Variants in PLCB1 observed in about 807,000 individuals in gnomAD.
PLCB1 encodes the protein phospholipase C beta 1.
Under a neutral mutation model 161.8 loss-of-function variants are expected in PLCB1, and 46 were observed. That is an observed-to-expected ratio of 0.28 (90% CI 0.22 to 0.36). PLCB1 has a LOEUF of 0.36. Ranked by LOEUF, PLCB1 falls within the 10% of genes least tolerant of loss-of-function variation. The pLI, the probability that PLCB1 is intolerant of heterozygous loss-of-function variation, is 1.00. For missense variants in PLCB1, 1,016 were observed against 1,472.5 expected (o/e 0.69, Z 5.07); for synonymous variants, 517 against 503.7 (o/e 1.03, Z -0.35).
intron 31 of PLCB1, among the ~76,000 whole-genome samples, chr20:8,790,579 C>T (rs1983706931): frequency 6.6e-6 from 1 of 152,182 alleles, no homozygotes; most frequent in Admixed American, 6.5e-5. Flanking sequence ...CTAACCAAAC[C>T]TTCAGTTTGG....
intron 31 of PLCB1, chr20:8,881,094 G>C (rs1023358540): frequency 5.9e-6 from 1 of 170,054 alleles, no homozygotes; most frequent in African/African-American, 2.4e-5. Context: ...TTAAACTCCT[G>C]ACCTCAAGCA....
At chr20:8,375,917 T>C (rs1987060083) in intron 3 of PLCB1, among the ~76,000 whole-genome samples, 1 of 126,482 alleles carries the variant, frequency 7.9e-6, no homozygotes. Context: ...ACTTCTTACC[T>C]CCTTCATCAT....
intron 4 of PLCB1, among the ~76,000 whole-genome samples, chr20:8,632,968 G>A (rs961444595): frequency 3.3e-5 from 5 of 152,202 alleles, no homozygotes; most frequent in East Asian, 1.9e-4. Flanking sequence ...ATAATGGACC[G>A]CATGGGGGAG....
At chr20:8,704,984 C>CTTTTTTTTTTTTTTTTT (rs368791318) in intron 11 of PLCB1, among the ~76,000 whole-genome samples, 4 of 118,800 alleles carry the variant, frequency 3.4e-5, no homozygotes, top group Non-Finnish European at 5.0e-5. Flanking sequence ...CTCCTTTACT[C>CTTTTTTTTTTTTTTTTT]TTTTTTTTTT....
At chr20:8,484,692 C>A (rs1261310501) in intron 3 of PLCB1, among the ~76,000 whole-genome samples, 1 of 152,176 alleles carries the variant, frequency 6.6e-6, no homozygotes, top group Non-Finnish European at 1.5e-5. Flanking sequence ...TATCACTCTT[C>A]CAGAGATGCT....
Position 8,132,969 on chromosome 20 carries a change from C to A in PLCB1, c.99+219C>A, listed in dbSNP as rs2051308368. On this transcript the variant is annotated intron_variant, in intron 1 of 31. Transcript: ENST00000338037. The surrounding 1 kb of genome is among the most constrained non-coding windows in gnomAD (Gnocchi z 5.2). ...CGGGCTTCAGTAGTTGCCATCCTTT[C>A]TGGGTCTGGCAGGCGCCCCCTGAGG... Among the ~76,000 whole-genome samples, 1 of 152,158 alleles carries A rather than the reference C, an allele frequency of 6.6e-6. No homozygotes were observed. Among genetic ancestry groups the A allele is most frequent in the Non-Finnish European group, 1.5e-5 (1 of 68,022 alleles).
At chr20:8,474,131 T>A (rs1982169389) in intron 3 of PLCB1, among the ~76,000 whole-genome samples, 1 of 152,196 alleles carries the variant, frequency 6.6e-6, no homozygotes, top group African/African-American at 2.4e-5. Context: ...GAAGATGATT[T>A]TATTTATTTA....
intron 3 of PLCB1, among the ~76,000 whole-genome samples, chr20:8,430,675 C>T (rs766911135): frequency 2.6e-5 from 4 of 152,102 alleles, no homozygotes; most frequent in South Asian, 4.1e-4. Flanking sequence ...AAAGAAGAGC[C>T]GGTACCATGG....
chr20:8,709,668 T>C (rs1600266961), intron 12 of PLCB1, among the ~76,000 whole-genome samples: 5 of 152,366 alleles, frequency 3.3e-5, no homozygotes, highest in Admixed American at 3.3e-4. Flanking sequence ...AGATTGGTCA[T>C]GGGCAAATTT....
At chr20:8,455,464 G>A (rs371512800) in intron 3 of PLCB1, among the ~76,000 whole-genome samples, 15 of 116,010 alleles carry the variant, frequency 1.3e-4, no homozygotes, top group African/African-American at 3.4e-4. Flanking sequence ...TTTTGGAGAC[G>A]GAGTCTCGCT....
chr20:8,412,043 G>A (rs1979068259), intron 3 of PLCB1, among the ~76,000 whole-genome samples: 2 of 151,902 alleles, frequency 1.3e-5, no homozygotes, highest in Non-Finnish European at 2.9e-5. Context: ...GAAAAAAAAA[G>A]AAGACAATTT....
intron 4 of PLCB1, among the ~76,000 whole-genome samples, chr20:8,632,933 T>C (rs1444973991): frequency 1.3e-5 from 2 of 152,056 alleles, no homozygotes; most frequent in East Asian, 3.9e-4. Flanking sequence ...TGAGGACAGA[T>C]GTGATTTGAC....
intron 2 of PLCB1, among the ~76,000 whole-genome samples, chr20:8,244,934 T>C (rs1980804080): frequency 6.6e-6 from 1 of 151,514 alleles, no homozygotes; most frequent in Admixed American, 6.6e-5. Flanking sequence ...AAATTTGTTA[T>C]ATTGTGAAAA....
intron 9 of PLCB1, among the ~76,000 whole-genome samples, chr20:8,662,184 ATTAT>A (rs1445719575): frequency 2.3e-4 from 21 of 89,712 alleles, no homozygotes; most frequent in African/African-American, 4.4e-4. Context: ...ATTATATATA[ATTAT>A]TTATTATATA....
rs56986559 is a variant in PLCB1 at position 8,874,225 on chromosome 20, T to TACACACACAC, written c.3424-7376_3424-7367dup. 4.5e-3 allele frequency among the ~76,000 whole-genome samples: 590 copies of TACACACACAC among 132,556 alleles called. 1 individual carries two copies. Among genetic ancestry groups the TACACACACAC allele is most frequent in the African/African-American group, 9.2e-3 (327 of 35,530 alleles). 87.0% of individuals were successfully genotyped at this position (132,556 alleles called of 152,430 possible). Reference sequence around the variant, plus strand: ...AATTTTATTTATATATATGTGTATGTACACACACACACACACACACACACA... The same window carrying TACACACACAC: ...AATTTTATTTATATATATGTGTATGTACACACACACACACACACACACACACACACACACA... On this transcript the variant is annotated intron_variant, in intron 31 of 31. Coordinates refer to ENST00000338037, the MANE Select transcript of PLCB1 (RefSeq NM_015192.4).
chr20:8,882,818 CAA>C lies in PLCB1; in HGVS notation c.*971_*972del, dbSNP rs1199146701. ...AGATTGAATATTTATCTAGAGAATA[CAA>C]AGACCCACATGTAAATGATAGGTAT... On this transcript the variant is annotated 3_prime_UTR_variant, in exon 32 of 32. Transcript: ENST00000338037. 6.6e-6 allele frequency: 1 copy of C among 152,286 alleles called. No homozygotes were observed. The highest frequency in any genetic ancestry group is 2.4e-5 in the African/African-American group (1 of 41,430). The allele number at this position is 152,286 out of a possible 1,614,324, so 9.4% of individuals were successfully genotyped here. A position where few individuals can be genotyped will look rare whatever the true frequency, so the allele number is the denominator to read the frequency against.
At chr20:8,536,998 A>G (rs1244309999) in intron 3 of PLCB1, among the ~76,000 whole-genome samples, 1 of 152,212 alleles carries the variant, frequency 6.6e-6, no homozygotes, top group Admixed American at 6.5e-5. Context: ...TGTGATAAAA[A>G]TATCTACCTA....
chr20:8,821,208 C>T (rs1010502563), intron 31 of PLCB1, among the ~76,000 whole-genome samples: 9 of 151,508 alleles, frequency 5.9e-5, no homozygotes, highest in Non-Finnish European at 8.8e-5. Context: ...AGGCCGGGTG[C>T]GGTGGCTCAT....
At position 8,881,854 on chromosome 20, in the gene PLCB1, T is replaced by G. The variant is rs1355991186; in HGVS notation, c.*5T>G. ...GAATTTGATACTCCTCTGTGAATGC[T>G]CCTGCCAGGCCTTCAGAAATTGCAT... On this transcript the variant is annotated 3_prime_UTR_variant, in exon 32 of 32. Coordinates refer to ENST00000338037, the MANE Select transcript of PLCB1 (RefSeq NM_015192.4). 1.9e-6 allele frequency: 3 copies of G among 1,594,288 alleles called. No homozygotes were observed. The highest frequency in any genetic ancestry group is 2.6e-6 in the Non-Finnish European group (3 of 1,162,090).
Sources: gnomAD v4.1 joint callset for allele counts (sites outside exome capture counted in the v4.1 genomes callset) on GRCh38, gnomAD v4.1.1 for gene constraint, Gnocchi (gnomAD v3.1) non-coding constraint, MANE v1.5 for transcripts, NCBI Gene and HGNC (gene_info 2026-07-23, HGNC 2026-07-21) for gene names.